Variants in UBE2J1 observed in about 807,000 individuals in gnomAD.
UBE2J1 encodes ubiquitin-conjugating enzyme E2 J1.
Under a neutral mutation model 42.1 loss-of-function variants are expected in UBE2J1, and 17 were observed. The observed-to-expected ratio is 0.40, with a 90% confidence interval of 0.28 to 0.61. The LOEUF (loss-of-function observed/expected upper bound fraction) is 0.61. UBE2J1 is among the 20% of genes least tolerant of loss of function. The pLI, the probability that UBE2J1 is intolerant of heterozygous loss-of-function variation, is 0.38. For missense variants in UBE2J1, 291 were observed against 389.4 expected, an observed-to-expected ratio of 0.75 and a Z score of 2.13; for synonymous variants, 127 against 137.2, an observed-to-expected ratio of 0.93 and a Z score of 0.52.
chr6:89,344,443 C>T (rs1269534608), intron 1 of UBE2J1, among the ~76,000 whole-genome samples: 1 of 152,148 alleles, frequency 6.6e-6, no homozygotes, highest in Non-Finnish European at 1.5e-5. Context: ...CTTTCTTCAC[C>T]CCTCCTATAC....
chr6:89,352,215 T>G (rs893641985), intron 1 of UBE2J1, among the ~76,000 whole-genome samples: 1 of 152,022 alleles, frequency 6.6e-6, no homozygotes, highest in Admixed American at 6.6e-5. Context: ...AGGGGGTTGA[T>G]GACTATCGCC....
chr6:89,351,285 T>G (rs191283108), intron 1 of UBE2J1, among the ~76,000 whole-genome samples: 247 of 151,982 alleles, frequency 1.6e-3, no homozygotes, highest in African/African-American at 5.7e-3. Flanking sequence ...TTTCACCATG[T>G]TGGCCAGGCT....
chr6:89,335,196 G>T, intron 6 of UBE2J1, 106 bp downstream of exon 6: 1 of 1,065,864 alleles, frequency 9.4e-7, no homozygotes, highest in East Asian at 2.7e-5. Flanking sequence ...AAAAACATTG[G>T]CAAATGTCAT....
At position 89,333,982 on chromosome 6, in the gene UBE2J1, G is replaced by A. The variant is rs111803533; in HGVS notation, c.559-777C>T. Among the ~76,000 whole-genome samples, 212 of 152,194 alleles carry A rather than the reference G, an allele frequency of 1.4e-3. 1 individual carries two copies. The highest frequency in any genetic ancestry group is 4.1e-3 in the African/African-American group (169 of 41,510). On this transcript the variant is annotated intron_variant, in intron 6 of 7. Coordinates refer to ENST00000435041, the MANE Select transcript of UBE2J1 (RefSeq NM_016021.3). The stretch of plus-strand genomic sequence containing the variant: ...AAGGATTAAATACTTAATACTTTAC[G>A]TCTGTATGTATGTATGTATTTATTT...
chr6:89,333,418 G>A (rs1998576), intron 6 of UBE2J1, among the ~76,000 whole-genome samples: 29,401 of 152,114 alleles, frequency 0.19, 2,958 homozygotes, highest in Middle Eastern at 0.25. Flanking sequence ...TCAAGAAGCC[G>A]TTACTTGATG....
intron 7 of UBE2J1, among the ~76,000 whole-genome samples, 176 bp from the exon 8 acceptor site, chr6:89,330,133 A>G (rs1295131566): frequency 2.6e-5 from 4 of 152,156 alleles, no homozygotes; most frequent in East Asian, 3.8e-4. Flanking sequence ...TAGGTTCAAA[A>G]AAAAGTCATA....
chr6:89,352,592 G>T lies in UBE2J1; in HGVS notation c.-23C>A. 1 of 1,552,082 alleles carries T rather than the reference G, an allele frequency of 6.4e-7. No individual in the cohort carries two copies. ...CATGGTGGGTCGCTGGCTTGGCTCC[G>T]GCCTCCCGGGCCGCTGCCACCTCCT... On this transcript the variant is annotated 5_prime_UTR_variant, in exon 1 of 8. Coordinates refer to ENST00000435041, the MANE Select transcript of UBE2J1 (RefSeq NM_016021.3).
At chr6:89,350,778 G>A (rs116354110) in intron 1 of UBE2J1, among the ~76,000 whole-genome samples, 195 of 152,096 alleles carry the variant, frequency 1.3e-3, no homozygotes, top group African/African-American at 4.3e-3. Flanking sequence ...CTAACCTATC[G>A]AAATTGAGCG....
chr6:89,340,439 T>C (rs1274537602), intron 3 of UBE2J1, among the ~76,000 whole-genome samples: 1 of 152,194 alleles, frequency 6.6e-6, no homozygotes, highest in Non-Finnish European at 1.5e-5. Context: ...AGCAACTAAA[T>C]AAAATGACTC....
chr6:89,337,242 T>TA (rs1396471039), intron 5 of UBE2J1, among the ~76,000 whole-genome samples: 14 of 150,994 alleles, frequency 9.3e-5, no homozygotes, highest in African/African-American at 3.4e-4. Flanking sequence ...TTTTTTTTTT[T>TA]ACCTCGCACA....
chr6:89,329,683 A>G lies in UBE2J1; in HGVS notation c.953T>C (p.Leu318Ser), dbSNP rs1339321565. The part of the protein sequence containing the change: ...LANEYIFDFE[L>S] ...CTCATAAGTCACAAAACCATATTAT[A>G]ACTCAAAGTCAAATATGTATTCGTT... The change falls in exon 8 of 8, where the codon TTA becomes TCA. Residue 318 changes from leucine (L) to serine (S), a missense_variant. Around this residue, in one of 2 missense-constraint regions of UBE2J1, gnomAD observed 176 missense variants for 196.3 expected, o/e 0.90. Coordinates refer to ENST00000435041, the MANE Select transcript of UBE2J1 (RefSeq NM_016021.3). 3.1e-6 allele frequency: 5 copies of G among 1,613,962 alleles called. No homozygotes were observed. The highest frequency in any genetic ancestry group is 1.7e-4 in the Middle Eastern group (1 of 6,052).
chr6:89,335,309 C>A lies in UBE2J1; in HGVS notation c.551G>T (p.Ser184Ile). 6.3e-7 allele frequency: 1 copy of A among 1,595,440 alleles called. No individual in the cohort carries two copies. The highest frequency in any genetic ancestry group is 1.1e-5 in the South Asian group (1 of 87,912). ...TTTAAGAATTTATAGTACCTTAAAG[C>A]TTATTTGCCTAGCCAGTTCTTTGGC... is the stretch of plus-strand genomic sequence containing the variant. ...QEAKELARQISFKAEVNSSGK... is the reference protein window; with the variant it reads ...QEAKELARQIIFKAEVNSSGK... Residue 184 changes from serine (S) to isoleucine (I), a missense_variant, in exon 6 of 8, where the codon AGC (serine) becomes ATC (isoleucine). Physicochemically the swap from Ser to Ile is moderately radical, Grantham distance 142 (BLOSUM62 -2). This residue lies in a region of UBE2J1 where 176 missense variants were observed against 196.3 expected (regional missense o/e 0.90). Transcript: ENST00000435041.
At chr6:89,344,931 A>G (rs1768328861) in intron 1 of UBE2J1, among the ~76,000 whole-genome samples, 1 of 152,072 alleles carries the variant, frequency 6.6e-6, no homozygotes, top group Non-Finnish European at 1.5e-5. Context: ...CTGGATCCCA[A>G]CCCCTCTCAT....
At chr6:89,332,705 G>A (rs1168823023) in intron 7 of UBE2J1, among the ~76,000 whole-genome samples, 3 of 152,170 alleles carry the variant, frequency 2.0e-5, no homozygotes, top group Non-Finnish European at 2.9e-5. Context: ...TTGGCTCTAC[G>A]ACTTTATTAA....
intron 3 of UBE2J1, among the ~76,000 whole-genome samples, chr6:89,340,523 A>G (rs1013058627): frequency 2.0e-5 from 3 of 152,222 alleles, no homozygotes; most frequent in Non-Finnish European, 4.4e-5. Context: ...ATATCAGCTA[A>G]TACTTATTAA....
intron 2 of UBE2J1, among the ~76,000 whole-genome samples, chr6:89,343,433 T>C (rs1212137163): frequency 9.9e-4 from 40 of 40,370 alleles, no homozygotes; most frequent in Non-Finnish European, 1.4e-3. Context: ...AGACTCCGCC[T>C]CAAAAAAAAA....
At chr6:89,332,968 G>C (rs1582478935) in intron 7 of UBE2J1, 118 bp downstream of exon 7, 1 of 787,610 alleles carries the variant, frequency 1.3e-6, no homozygotes, top group Non-Finnish European at 1.9e-6. Context: ...TGATGAGTTA[G>C]AATCCAGTTG....
At chr6:89,332,105 C>T (rs1768020831) in intron 7 of UBE2J1, among the ~76,000 whole-genome samples, 1 of 152,210 alleles carries the variant, frequency 6.6e-6, no homozygotes, top group South Asian at 2.1e-4. Context: ...TTCACTCCCA[C>T]TTTACGTACG....
chr6:89,345,384 C>T (rs1033563366), intron 1 of UBE2J1, among the ~76,000 whole-genome samples: 14 of 152,080 alleles, frequency 9.2e-5, no homozygotes, highest in Non-Finnish European at 1.9e-4. Flanking sequence ...AGTGGATCAC[C>T]TGAGGTCAAG....
Sources: allele counts gnomAD v4.1 joint callset (sites outside exome capture counted in the v4.1 genomes callset), GRCh38; gene constraint gnomAD v4.1.1; regional missense constraint gnomAD v4.1.1; transcripts MANE v1.5; gene names NCBI Gene and HGNC (gene_info 2026-07-23, HGNC 2026-07-21).